Variants in PTPRC observed in about 807,000 individuals in gnomAD.
The protein encoded by PTPRC is protein tyrosine phosphatase receptor type C, also known as receptor-type tyrosine-protein phosphatase C.
In PTPRC, 44 loss-of-function variants were observed where a neutral mutation model predicts 155.9. The observed-to-expected ratio is 0.28, with a 90% CI of 0.22 to 0.36. The LOEUF (loss-of-function observed/expected upper bound fraction) is 0.36. PTPRC is among the 10% of genes least tolerant of loss of function. The pLI, the probability that PTPRC is intolerant of heterozygous loss-of-function variation, is 1.00. For synonymous variants in PTPRC, 525 were observed against 533.1 expected (o/e 0.98, Z 0.21); for missense variants, 1,401 against 1,564.6 (o/e 0.90, Z 1.76).
chr1:198,643,183 T>C (rs193083249), intron 2 of PTPRC, among the ~76,000 whole-genome samples: 2 of 151,790 alleles, frequency 1.3e-5, no homozygotes, highest in African/African-American at 4.8e-5. Flanking sequence ...CATTTCAATC[T>C]GCTCTTTTTT....
intron 3 of PTPRC, chr1:198,695,062 C>T (rs1238272591): frequency 1.1e-6 from 1 of 923,012 alleles, no homozygotes; most frequent in African/African-American, 1.8e-5. Context: ...CAGAATAGTT[C>T]TGCAATATTT....
intron 7 of PTPRC, 67 bp from the exon 8 acceptor site, chr1:198,704,405 C>CA: frequency 6.2e-7 from 1 of 1,608,708 alleles, no homozygotes; most frequent in Non-Finnish European, 8.5e-7. Flanking sequence ...TCAGCTTTCC[C>CA]AAAAATGACA....
In PTPRC at chr1:198,642,916, CTTTCTTT is replaced by C. The variant is rs1557960203; in HGVS notation, c.73+3576_73+3582del. Among the ~76,000 whole-genome samples the C allele has an allele frequency of 5.0e-4, 72 of 142,678 alleles. 1 individual carries two copies. Among genetic ancestry groups the C allele is most frequent in the Non-Finnish European group, 9.8e-4 (64 of 65,396 alleles). The allele number at this position is 142,678 out of a possible 152,430, so 93.6% of individuals were successfully genotyped here. A position where few individuals can be genotyped will look rare whatever the true frequency, so the allele number is the denominator to read the frequency against. On this transcript the variant is annotated intron_variant, in intron 2 of 32. Coordinates refer to ENST00000442510, the MANE Select transcript of PTPRC (RefSeq NM_002838.5). ...CTTTTCTTTCTTTCTTCCTTTCTTT[CTTTCTTT>C]CTTTCTTTCTTTCTTTCTTTCTTTC...
chr1:198,659,959 T>C (rs1022194379), intron 2 of PTPRC, among the ~76,000 whole-genome samples: 1 of 143,438 alleles, frequency 7.0e-6, no homozygotes, highest in Admixed American at 7.1e-5. Context: ...TCCACGTATA[T>C]GGACATATAT....
chr1:198,690,722 TAA>T (rs1331463130), intron 2 of PTPRC, among the ~76,000 whole-genome samples: 2 of 152,082 alleles, frequency 1.3e-5, no homozygotes, highest in Non-Finnish European at 2.9e-5. Context: ...AAAGTCACCT[TAA>T]GTACCAGCTA....
Position 198,729,182 on chromosome 1 carries a change from A to G in PTPRC, c.1864+11A>G. 6.2e-7 allele frequency: 1 copy of G among 1,603,750 alleles called. No homozygotes were observed. The highest frequency in any genetic ancestry group is 8.5e-7 in the Non-Finnish European group (1 of 1,174,406). ...AGCTTGTTGAAAGGGGTAAGTATGT[A>G]TATTTTTGCTGATGACTATTCCTTC... On this transcript the variant is annotated intron_variant, in intron 17 of 32. Coordinates refer to ENST00000442510, the MANE Select transcript of PTPRC (RefSeq NM_002838.5).
intron 2 of PTPRC, among the ~76,000 whole-genome samples, chr1:198,672,744 A>G (rs559099972): frequency 2.6e-4 from 39 of 151,634 alleles, no homozygotes; most frequent in Non-Finnish European, 5.0e-4. Context: ...AATCTTGGCT[A>G]CCCAAAGTGC....
Position 198,722,406 on chromosome 1 carries a change from T to C in PTPRC, c.1660-10T>C. The C allele has an allele frequency of 7.1e-7, 1 of 1,413,692 alleles. No homozygotes were observed. The allele number at this position is 1,413,692 out of a possible 1,614,324, so 87.6% of individuals were successfully genotyped here. A position where few individuals can be genotyped will look rare whatever the true frequency, so the allele number is the denominator to read the frequency against. ...AACTAATTATTTTATTTTTTGTTAC[T>C]GAAATTCAGGCCTATTTTCACAATG... On this transcript the variant is annotated splice_polypyrimidine_tract_variant and intron_variant, in intron 14 of 32. Coordinates refer to ENST00000442510, the MANE Select transcript of PTPRC (RefSeq NM_002838.5).
At chr1:198,725,570 T>C (rs1654095199) in intron 15 of PTPRC, among the ~76,000 whole-genome samples, 2 of 152,196 alleles carry the variant, frequency 1.3e-5, no homozygotes, top group African/African-American at 4.8e-5. Context: ...TGTGGACAAT[T>C]ACATTGTCCT....
At chr1:198,710,630 G>A (rs1653250651) in intron 11 of PTPRC, among the ~76,000 whole-genome samples, 1 of 152,062 alleles carries the variant, frequency 6.6e-6, no homozygotes, top group South Asian at 2.1e-4. Context: ...GTAGTTTTCA[G>A]TGCATTAGTG....
At chr1:198,728,256 A>G (rs1654231405) in intron 15 of PTPRC, 84 bp from the exon 16 acceptor site, 2 of 1,017,640 alleles carry the variant, frequency 2.0e-6, no homozygotes, top group African/African-American at 1.6e-5. Flanking sequence ...ATATTAAAAT[A>G]TAAATACTTT....
intron 2 of PTPRC, among the ~76,000 whole-genome samples, chr1:198,673,928 A>AT (rs1056673989): frequency 1.3e-5 from 2 of 152,346 alleles, no homozygotes; most frequent in Non-Finnish European, 2.9e-5. Flanking sequence ...TAATGTAATG[A>AT]TTTTTGCCAT....
At chr1:198,738,629 G>C (rs1002221849) in intron 23 of PTPRC, among the ~76,000 whole-genome samples, 3 of 151,600 alleles carry the variant, frequency 2.0e-5, no homozygotes, top group African/African-American at 7.3e-5. Context: ...ATGTGTCTTT[G>C]TCTGGTTTTG....
intron 20 of PTPRC, among the ~76,000 whole-genome samples, chr1:198,733,171 T>A (rs1654475105): frequency 1.3e-5 from 2 of 151,882 alleles, no homozygotes; most frequent in South Asian, 4.1e-4. Flanking sequence ...GTTAAATAAT[T>A]TTAAACAGTA....
rs1372216316 is a variant in PTPRC at position 198,742,280 on chromosome 1, A to G, written c.2610A>G (p.Leu870=). 1.2e-6 allele frequency: 2 copies of G among 1,612,246 alleles called. No homozygotes were observed. Among genetic ancestry groups the G allele is most frequent in the South Asian group, 1.1e-5 (1 of 91,074 alleles). The change falls in exon 25 of 33, where the codon CTA becomes CTG. Residue 870 remains leucine, a synonymous_variant. Coordinates refer to ENST00000442510, the MANE Select transcript of PTPRC (RefSeq NM_002838.5). ...TGTYIGIDAM[L]EGLEAENKVD... ...CCTATATCGGAATTGATGCCATGCT[A>G]GAAGGCCTGGAAGCCGAGAACAAAG...
At chr1:198,714,839 G>C (rs1418249503) in intron 12 of PTPRC, among the ~76,000 whole-genome samples, 1 of 152,092 alleles carries the variant, frequency 6.6e-6, no homozygotes, top group Admixed American at 6.5e-5. Flanking sequence ...TTTTTAATCA[G>C]ATATTAAATT....
At chr1:198,650,483 A>G (rs1192121040) in intron 2 of PTPRC, among the ~76,000 whole-genome samples, 1 of 151,882 alleles carries the variant, frequency 6.6e-6, no homozygotes, top group Non-Finnish European at 1.5e-5. Flanking sequence ...TGCATGGAAA[A>G]GACAAAGACA....
At chr1:198,679,729 G>A (rs1665190875) in intron 2 of PTPRC, 3 of 399,982 alleles carry the variant, frequency 7.5e-6, no homozygotes, top group East Asian at 3.8e-5. Context: ...CCGAGCCCAC[G>A]TAATGGAGAT....
At chr1:198,640,619 G>T (rs188800124) in intron 2 of PTPRC, among the ~76,000 whole-genome samples, 1 of 151,960 alleles carries the variant, frequency 6.6e-6, no homozygotes, top group Non-Finnish European at 1.5e-5. Flanking sequence ...ATAATAAAAA[G>T]TAAATTATAA....
Sources: allele counts gnomAD v4.1 joint callset (sites outside exome capture counted in the v4.1 genomes callset), GRCh38; gene constraint gnomAD v4.1.1; transcripts MANE v1.5; gene names NCBI Gene and HGNC (gene_info 2026-07-23, HGNC 2026-07-21).